SBF2: variants seen among roughly 807,000 people sequenced by gnomAD.
SBF2 encodes the protein SET binding factor 2.
A neutral mutation model predicts 225.2 loss-of-function variants in SBF2; 112 were observed. That is an observed-to-expected ratio of 0.50 (90% CI 0.43 to 0.58). The LOEUF is 0.58. SBF2 is among the 20% of genes least tolerant of loss of function. SBF2 has a pLI of 0.00. For synonymous variants in SBF2, 763 were observed against 773.3 expected (o/e 0.99, Z 0.22); for missense variants, 1,996 against 2,206.2 (o/e 0.90, Z 1.91).
intron 1 of SBF2, 115 bp from the exon 2 acceptor site, chr11:10,194,102 A>G (rs1957279919): frequency 1.3e-6 from 1 of 792,476 alleles, no homozygotes; most frequent in Non-Finnish European, 2.1e-6. Flanking sequence ...TAAACTGATT[A>G]AACATTTTCA....
intron 32 of SBF2, among the ~76,000 whole-genome samples, chr11:9,805,843 T>C (rs1030179960): frequency 2.6e-5 from 4 of 152,130 alleles, no homozygotes; most frequent in African/African-American, 9.7e-5. Context: ...AGGATGGTTT[T>C]GATCTCTTAC....
Position 10,132,900 on chromosome 11 carries a change from T to A in SBF2, c.141+61002A>T, listed in dbSNP as rs1355898371. On this transcript the variant is annotated intron_variant, in intron 2 of 39. Coordinates refer to ENST00000256190, the MANE Select transcript of SBF2 (RefSeq NM_030962.4). The stretch of plus-strand genomic sequence containing the variant: ...CCACGTCCCCATCAGATTAGTTAGA[T>A]ACAAAGTTTCCACACACAGGTTCTC... 8.1e-5 allele frequency among the ~76,000 whole-genome samples: 12 copies of A among 148,878 alleles called. 1 individual carries two copies. The South Asian group carries it at 1.1e-3, about 13-fold the overall frequency.
chr11:9,930,636 G>C (rs1864422362), intron 16 of SBF2, among the ~76,000 whole-genome samples: 1 of 152,228 alleles, frequency 6.6e-6, no homozygotes, highest in Non-Finnish European at 1.5e-5. Flanking sequence ...TCCGTTTCAA[G>C]ATGGCTGAAC....
chr11:10,281,164 T>C (rs55771749), intron 1 of SBF2, among the ~76,000 whole-genome samples: 8,363 of 152,222 alleles, frequency 0.055, 306 homozygotes, highest in Middle Eastern at 0.14. Flanking sequence ...AAAATTCATA[T>C]TAAAATAATA....
chr11:9,940,179 G>A (rs1201140774), intron 16 of SBF2, among the ~76,000 whole-genome samples: 10 of 152,108 alleles, frequency 6.6e-5, no homozygotes, highest in Admixed American at 2.0e-4. Context: ...TGAGGCAGGC[G>A]GATCACGAGG....
intron 13 of SBF2, among the ~76,000 whole-genome samples, chr11:9,979,102 T>C (rs1946831533): frequency 6.6e-6 from 1 of 152,200 alleles, no homozygotes; most frequent in Admixed American, 6.5e-5. Context: ...GCTTAGGAAA[T>C]GAATAGATGA....
At chr11:10,065,672 C>T (rs1456925389) in intron 2 of SBF2, among the ~76,000 whole-genome samples, 1 of 152,158 alleles carries the variant, frequency 6.6e-6, no homozygotes, top group African/African-American at 2.4e-5. Context: ...AAACTACTGG[C>T]CAGGCACAGT....
intron 6 of SBF2, among the ~76,000 whole-genome samples, chr11:10,017,833 C>A (rs1190302969): frequency 6.6e-6 from 1 of 152,074 alleles, no homozygotes; most frequent in Non-Finnish European, 1.5e-5. Context: ...AATTCAAATA[C>A]ATAAAAGGCC....
intron 1 of SBF2, among the ~76,000 whole-genome samples, chr11:10,210,329 AAAAG>A (rs1229161526): frequency 1.3e-5 from 2 of 151,936 alleles, no homozygotes; most frequent in Non-Finnish European, 2.9e-5. Flanking sequence ...AGAAAAAAAG[AAAAG>A]AAAGAAGAAG....
intron 13 of SBF2, among the ~76,000 whole-genome samples, chr11:9,973,361 C>A (rs1166499610): frequency 6.6e-6 from 1 of 152,224 alleles, no homozygotes; most frequent in African/African-American, 2.4e-5. Context: ...TACAAAGCAG[C>A]AGCCAAATTT....
chr11:9,866,870 T>C (rs898175404), intron 17 of SBF2, among the ~76,000 whole-genome samples: 3 of 151,988 alleles, frequency 2.0e-5, no homozygotes, highest in African/African-American at 7.3e-5. Flanking sequence ...ATACAAGGAA[T>C]GCAAGCAACT....
rs541944785 is a variant in SBF2, at chr11:10,240,783, T to C, written c.56-46796A>G. Reference sequence around the variant, plus strand: ...ATTTTTTTCTGCTTCTTAATGTGTTTAGATCATTTGAAAAACACTTATTAT... The same window carrying C: ...ATTTTTTTCTGCTTCTTAATGTGTTCAGATCATTTGAAAAACACTTATTAT... On this transcript the variant is annotated intron_variant, in intron 1 of 39. Coordinates refer to ENST00000256190, the MANE Select transcript of SBF2 (RefSeq NM_030962.4). 4.6e-5 allele frequency among the ~76,000 whole-genome samples: 7 copies of C among 152,338 alleles called. No individual in the cohort carries two copies. The South Asian group carries it at 1.5e-3, about 32-fold the overall frequency.
rs371494717 is a variant in SBF2, at chr11:10,046,173, G to C, written c.142-3192C>G. Among the ~76,000 whole-genome samples, 456 of 152,100 alleles carry C rather than the reference G, an allele frequency of 3.0e-3. 2 individuals carry two copies. The highest frequency in any genetic ancestry group is 0.013 in the South Asian group (63 of 4,804). ...CATCCTCGGATTTTGGTATGTGTGGGGGATTCTTGGAACCAATCCCCTGCA... is the reference window on the plus strand; with the variant it reads ...CATCCTCGGATTTTGGTATGTGTGGCGGATTCTTGGAACCAATCCCCTGCA... On this transcript the variant is annotated intron_variant, in intron 2 of 39. Coordinates refer to ENST00000256190, the MANE Select transcript of SBF2 (RefSeq NM_030962.4).
intron 33 of SBF2, among the ~76,000 whole-genome samples, chr11:9,792,929 G>A (rs1323290616): frequency 7.4e-6 from 1 of 135,878 alleles, no homozygotes; most frequent in Non-Finnish European, 1.6e-5. Flanking sequence ...ATTTGTGTGT[G>A]TGTGTGTGTG....
intron 16 of SBF2, among the ~76,000 whole-genome samples, chr11:9,920,308 TTACTC>T (rs1021772772): frequency 5.9e-5 from 9 of 151,958 alleles, no homozygotes; most frequent in African/African-American, 1.9e-4. Context: ...GGGGAAGAAT[TTACTC>T]TAAGTTGTAT....
chr11:9,887,225 AATT>A (rs1297118980), intron 17 of SBF2, among the ~76,000 whole-genome samples: 12 of 151,836 alleles, frequency 7.9e-5, no homozygotes, highest in African/African-American at 2.9e-4. Context: ...AAAAATTAGT[AATT>A]ATTATAAAAA....
Position 10,259,895 on chromosome 11 carries a change from T to C in SBF2, c.55+34120A>G, listed in dbSNP as rs552607346. On this transcript the variant is annotated intron_variant, in intron 1 of 39. Coordinates refer to ENST00000256190, the MANE Select transcript of SBF2 (RefSeq NM_030962.4). The stretch of plus-strand genomic sequence containing the variant: ...AATAGTAGCTTCTCTTGAGGACTTT[T>C]AATAACACACAATTTCAAATCCAAA... Among the ~76,000 whole-genome samples, 3 of 152,310 alleles carry C rather than the reference T, an allele frequency of 2.0e-5. No homozygotes were observed. In the East Asian group the frequency reaches 5.8e-4, roughly 29 times the overall value.
At chr11:10,135,138 T>C (rs1178858331) in intron 2 of SBF2, among the ~76,000 whole-genome samples, 1 of 152,214 alleles carries the variant, frequency 6.6e-6, no homozygotes, top group Non-Finnish European at 1.5e-5. Context: ...TTGCCAAGGC[T>C]TAGGGCTTGC....
intron 2 of SBF2, among the ~76,000 whole-genome samples, chr11:10,065,590 G>A (rs1306979439): frequency 2.6e-5 from 4 of 152,058 alleles, no homozygotes; most frequent in Non-Finnish European, 5.9e-5. Flanking sequence ...GATCATAAGG[G>A]AATATTATGA....
Sources: allele counts gnomAD v4.1 joint callset (sites outside exome capture counted in the v4.1 genomes callset), GRCh38; gene constraint gnomAD v4.1.1; transcripts MANE v1.5; gene names NCBI Gene and HGNC (gene_info 2026-07-23, HGNC 2026-07-21).